Variants in CACNB4 observed in about 807,000 individuals in gnomAD.
CACNB4 encodes the protein voltage-dependent L-type calcium channel subunit beta-4.
A neutral mutation model predicts 71.2 loss-of-function variants in CACNB4; 32 were observed. The ratio of observed to expected loss-of-function variants is 0.45; its 90% CI spans 0.34 to 0.60. The LOEUF is 0.60. Ranked by LOEUF, CACNB4 falls within the 20% of genes least tolerant of loss-of-function variation. The pLI, the probability that CACNB4 is intolerant of heterozygous loss-of-function variation, is 0.01. For missense variants in CACNB4, 464 were observed against 647.9 expected, an observed-to-expected ratio of 0.72 and a Z score of 3.08; for synonymous variants, 231 against 236.9, an observed-to-expected ratio of 0.97 and a Z score of 0.23.
At chr2:151,966,670 C>A (rs2099871194) in intron 2 of CACNB4, among the ~76,000 whole-genome samples, 1 of 152,112 alleles carries the variant, frequency 6.6e-6, no homozygotes, top group Non-Finnish European at 1.5e-5. Flanking sequence ...TTACTGAATT[C>A]TTTCACCTGT....
chr2:151,900,987 C>CTTTTTTTT lies in CACNB4; in HGVS notation c.148-17618_148-17617insAAAAAAAA, dbSNP rs1559961065. 2.3e-5 allele frequency among the ~76,000 whole-genome samples: 2 copies of CTTTTTTTT among 88,724 alleles called. 1 individual carries two copies. The highest frequency in any genetic ancestry group is 8.0e-5 in the African/African-American group (2 of 25,016). The allele number at this position is 88,724 out of a possible 152,430, so 58.2% of individuals were successfully genotyped here. On this transcript the variant is annotated intron_variant, in intron 2 of 13. Coordinates refer to ENST00000539935, the MANE Select transcript of CACNB4 (RefSeq NM_000726.5). ...GGATTTTCTTTTCTTTTCTTTCTTTCTTTCTTTTTTTTTTTTTTTTTTTTG... is the reference window on the plus strand; with the variant it reads ...GGATTTTCTTTTCTTTTCTTTCTTTCTTTTTTTTTTTCTTTTTTTTTTTTTTTTTTTTG...
At chr2:151,889,090 T>C (rs1203518120) in intron 2 of CACNB4, among the ~76,000 whole-genome samples, 4 of 152,250 alleles carry the variant, frequency 2.6e-5, no homozygotes, top group Non-Finnish European at 5.9e-5. Flanking sequence ...CATATTGGGC[T>C]GTGCGGTAGT....
chr2:152,095,295 G>A (rs961205782), intron 2 of CACNB4, among the ~76,000 whole-genome samples: 33 of 152,106 alleles, frequency 2.2e-4, no homozygotes, highest in Non-Finnish European at 3.5e-4. Flanking sequence ...TCATGTGTGT[G>A]CATGCACACA....
chr2:151,834,044 G>A lies in CACNB4; in HGVS notation c.*5075C>T, dbSNP rs373381980. On this transcript the variant is annotated 3_prime_UTR_variant, in exon 14 of 14. Coordinates refer to ENST00000539935, the MANE Select transcript of CACNB4 (RefSeq NM_000726.5). ...GCATACAGAATTCACACTGATTTCA[G>A]TTAAAAGTCAAAGTGGCATGCAAGT... The A allele has an allele frequency of 6.6e-6, 1 of 152,032 alleles. No individual in the cohort carries two copies. Among genetic ancestry groups the A allele is most frequent in the East Asian group, 1.9e-4 (1 of 5,198 alleles). 9.4% of individuals were successfully genotyped at this position (152,032 alleles called of 1,614,324 possible).
chr2:151,980,370 G>A (rs1195373997), intron 2 of CACNB4, among the ~76,000 whole-genome samples: 1 of 151,974 alleles, frequency 6.6e-6, no homozygotes, highest in African/African-American at 2.4e-5. Context: ...GGCCTTCTTG[G>A]ACACATCACA....
At chr2:151,980,881 G>A (rs1034855081) in intron 2 of CACNB4, among the ~76,000 whole-genome samples, 27 of 152,194 alleles carry the variant, frequency 1.8e-4, no homozygotes, top group Admixed American at 7.2e-4. Context: ...TTTATAGTGC[G>A]TTGATGGAGT....
intron 2 of CACNB4, chr2:151,971,225 T>C (rs764905631): frequency 8.8e-6 from 4 of 455,244 alleles, no homozygotes; most frequent in South Asian, 2.7e-5. Context: ...TGTATAATAA[T>C]GGTTTACTCT....
At chr2:152,062,013 AAATAAT>A (rs10664776) in intron 2 of CACNB4, among the ~76,000 whole-genome samples, 3,338 of 141,162 alleles carry the variant, frequency 0.024, 51 homozygotes, top group Non-Finnish European at 0.034. Flanking sequence ...TTCCATCTCA[AAATAAT>A]AATAATAATA....
intron 8 of CACNB4, 37 bp downstream of exon 8, chr2:151,870,494 C>T (rs771789850): frequency 2.7e-5 from 42 of 1,545,566 alleles, no homozygotes; most frequent in Admixed American, 1.7e-4. Context: ...CCTGGGTGCT[C>T]GATCAAGAAC....
chr2:151,872,681 C>T (rs2099844942), intron 5 of CACNB4, 188 bp from the exon 6 acceptor site: 2 of 476,774 alleles, frequency 4.2e-6, no homozygotes, highest in Non-Finnish European at 7.4e-6. Context: ...ATGTGGAGAA[C>T]TAGCCGAGAC....
intron 12 of CACNB4, chr2:151,851,772 C>T (rs958932436): frequency 4.6e-5 from 7 of 152,074 alleles, no homozygotes; most frequent in Non-Finnish European, 1.0e-4. Context: ...TGTCTGCTTC[C>T]CAGAAGACCA....
At chr2:151,860,415 G>A in intron 10 of CACNB4, 2 of 414,008 alleles carry the variant, frequency 4.8e-6, no homozygotes, top group Admixed American at 4.5e-5. Flanking sequence ...TTGAGAAGCT[G>A]AGCAAAGTGG....
At chr2:152,072,305 G>A (rs1686739092) in intron 2 of CACNB4, among the ~76,000 whole-genome samples, 2 of 152,336 alleles carry the variant, frequency 1.3e-5, no homozygotes, top group South Asian at 4.1e-4. Context: ...GCACAGATCT[G>A]GGGGAATGTC....
intron 2 of CACNB4, among the ~76,000 whole-genome samples, chr2:152,030,117 TC>T (rs1178527001): frequency 1.3e-5 from 2 of 152,198 alleles, no homozygotes; most frequent in Non-Finnish European, 2.9e-5. Context: ...CTTTTTTTTT[TC>T]TGATTACATT....
At chr2:151,845,477 C>T (rs2151327882) in intron 12 of CACNB4, among the ~76,000 whole-genome samples, 1 of 127,880 alleles carries the variant, frequency 7.8e-6, no homozygotes, top group South Asian at 2.5e-4. Flanking sequence ...AACTCAGTAT[C>T]AGGGAAAACA....
At chr2:151,970,566 G>C (rs578148627) in intron 2 of CACNB4, 112 of 152,166 alleles carry the variant, frequency 7.4e-4, no homozygotes, top group African/African-American at 2.6e-3. Context: ...AAAACACATA[G>C]TATAGTGTAC....
intron 2 of CACNB4, among the ~76,000 whole-genome samples, chr2:152,013,554 G>T (rs1366935716): frequency 6.6e-6 from 1 of 152,082 alleles, no homozygotes; most frequent in Non-Finnish European, 1.5e-5. Context: ...GAATCCTGGG[G>T]TTCACATAGC....
intron 9 of CACNB4, among the ~76,000 whole-genome samples, chr2:151,863,182 C>G (rs1327577252): frequency 6.6e-6 from 1 of 152,114 alleles, no homozygotes; most frequent in African/African-American, 2.4e-5. Context: ...CCTCCCACCT[C>G]AGCCTCCCAA....
At chr2:152,005,728 C>T (rs1406068413) in intron 2 of CACNB4, among the ~76,000 whole-genome samples, 1 of 152,200 alleles carries the variant, frequency 6.6e-6, no homozygotes, top group Admixed American at 6.5e-5. Flanking sequence ...AAATGAGAAA[C>T]AGCTTTCAGG....
Sources: allele counts gnomAD v4.1 joint callset (sites outside exome capture counted in the v4.1 genomes callset), GRCh38; gene constraint gnomAD v4.1.1; transcripts MANE v1.5; gene names NCBI Gene and HGNC (gene_info 2026-07-23, HGNC 2026-07-21).